The following MGST2 variants were observed in gnomAD, a reference collection of about 807,000 sequenced individuals.
MGST2 encodes glutathione peroxidase MGST2.
MGST2 carries 9 observed loss-of-function variants against 16.6 expected under a neutral mutation model. The ratio of observed to expected loss-of-function variants is 0.54; its 90% CI spans 0.33 to 0.95. The LOEUF (loss-of-function observed/expected upper bound fraction) is 0.95, where lower values mean the gene tolerates loss of function less well. Ranked by LOEUF, MGST2 falls within the 40% of genes least tolerant of loss-of-function variation. MGST2 has a pLI of 0.03. For missense variants in MGST2, 159 were observed against 175.1 expected (o/e 0.91, Z 0.52); for synonymous variants, 79 against 68.0 (o/e 1.16, Z -0.79).
intron 5 of MGST2, chr4:139,718,017 T>C (rs1182746261): frequency 2.0e-5 from 3 of 152,184 alleles, no homozygotes. Context: ...CTTTTTTAGC[T>C]CCTCCACCTC....
chr4:139,719,389 G>T, intron 5 of MGST2: 1 of 1,613,262 alleles, frequency 6.2e-7, no homozygotes, highest in Non-Finnish European at 8.5e-7. Flanking sequence ...CTTTGATGAT[G>T]GAGTCCACAA....
At chr4:139,730,290 TG>T in intron 5 of MGST2, 1 of 824,980 alleles carries the variant, frequency 1.2e-6, no homozygotes, top group Non-Finnish European at 1.9e-6. Context: ...CTTGTGATCC[TG>T]GGAAATGCTA....
intron 1 of MGST2, among the ~76,000 whole-genome samples, chr4:139,671,544 G>T (rs1560734598): frequency 6.6e-6 from 1 of 151,948 alleles, no homozygotes; most frequent in Non-Finnish European, 1.5e-5. Context: ...CAGCTCAACT[G>T]CAGCCTCTGC....
intron 5 of MGST2, among the ~76,000 whole-genome samples, chr4:139,728,792 C>T (rs1728580898): frequency 6.6e-6 from 1 of 152,212 alleles, no homozygotes; most frequent in Non-Finnish European, 1.5e-5. Context: ...TCTTCCCACA[C>T]CCTGTGCTCC....
intron 2 of MGST2, among the ~76,000 whole-genome samples, chr4:139,694,756 C>G (rs1726821185): frequency 6.6e-6 from 1 of 152,172 alleles, no homozygotes; most frequent in African/African-American, 2.4e-5. Flanking sequence ...AATATGCTCA[C>G]TGATTTACTT....
At chr4:139,682,008 T>C (rs1317159518) in intron 2 of MGST2, among the ~76,000 whole-genome samples, 1 of 151,762 alleles carries the variant, frequency 6.6e-6, no homozygotes, top group East Asian at 1.9e-4. Context: ...CTGGGCAACA[T>C]AGCAAGAGCC....
chr4:139,703,867 C>A, intron 4 of MGST2, 149 bp from the exon 5 acceptor site: 1 of 923,960 alleles, frequency 1.1e-6, no homozygotes, highest in Non-Finnish European at 1.7e-6. Flanking sequence ...TAGGCATTCC[C>A]TTTAACTTAT....
chr4:139,680,584 C>T (rs1050289616), intron 2 of MGST2, among the ~76,000 whole-genome samples: 1 of 151,524 alleles, frequency 6.6e-6, no homozygotes, highest in Non-Finnish European at 1.5e-5. Context: ...ATTTGGATTT[C>T]CTGGACCTCC....
chr4:139,669,370 C>T (rs536436554), intron 1 of MGST2, among the ~76,000 whole-genome samples: 53 of 152,304 alleles, frequency 3.5e-4, no homozygotes, highest in African/African-American at 1.2e-3. Context: ...CACCATGTGC[C>T]ATGGTTGAAG....
At chr4:139,722,305 C>T (rs1051144580) in intron 5 of MGST2, among the ~76,000 whole-genome samples, 4 of 152,124 alleles carry the variant, frequency 2.6e-5, no homozygotes, top group African/African-American at 9.7e-5. Context: ...GCAATTGCCA[C>T]ATTCTTTTTC....
chr4:139,703,109 A>G (rs1475559312), intron 3 of MGST2, among the ~76,000 whole-genome samples: 2 of 151,448 alleles, frequency 1.3e-5, no homozygotes, highest in Admixed American at 1.3e-4. Flanking sequence ...TATTTTTAGT[A>G]GAGACGAGGT....
chr4:139,692,623 G>C, intron 2 of MGST2, among the ~76,000 whole-genome samples: 1 of 152,178 alleles, frequency 6.6e-6, no homozygotes, highest in Non-Finnish European at 1.5e-5. Context: ...TTTTTCATGA[G>C]GACGATCCGT....
chr4:139,719,575 G>A (rs1454165169), intron 5 of MGST2: 1 of 1,613,558 alleles, frequency 6.2e-7, no homozygotes, highest in South Asian at 1.1e-5. Context: ...GCATGCCTGG[G>A]ACTCCCTGGC....
intron 5 of MGST2, among the ~76,000 whole-genome samples, chr4:139,710,499 C>G (rs1175790231): frequency 6.6e-6 from 1 of 152,156 alleles, no homozygotes; most frequent in Non-Finnish European, 1.5e-5. Flanking sequence ...CAACACTTCT[C>G]AGAGCTTCAC....
At chr4:139,685,142 A>C (rs2646067) in intron 2 of MGST2, 1 of 152,182 alleles carries the variant, frequency 6.6e-6, no homozygotes, top group African/African-American at 2.4e-5. Context: ...CTGTTCCTCC[A>C]TGTGCTGTCT....
chr4:139,699,096 C>G (rs796888809), intron 3 of MGST2, among the ~76,000 whole-genome samples: 2 of 152,302 alleles, frequency 1.3e-5, no homozygotes, highest in African/African-American at 4.8e-5. Context: ...CTTTTTACTG[C>G]GATACGCAAT....
In MGST2 at chr4:139,704,113, C is replaced by T. The variant is rs772381211; in HGVS notation, c.409C>T (p.Leu137Phe). The T allele has an allele frequency of 1.5e-4, 241 of 1,614,032 alleles. No homozygotes were observed. The Admixed American group carries it at 4.0e-3, about 27-fold the overall frequency. The change falls in exon 5 of 5, where the codon CTC (leucine) becomes TTC (phenylalanine). Residue 137 changes from leucine (L) to phenylalanine (F), a missense_variant. Physicochemically the swap from Leu to Phe is conservative, Grantham distance 22. Coordinates refer to ENST00000265498, the MANE Select transcript of MGST2 (RefSeq NM_002413.5). ...ANSFLDEYLDLNIAKKLRRQF is the reference protein window; with the variant it reads ...ANSFLDEYLDFNIAKKLRRQF ...CAGCTTTCTGGATGAATATCTGGAC[C>T]TCAATATTGCCAAGAAACTGAGGCG...
chr4:139,703,443 A>C lies in MGST2; in HGVS notation c.230-12A>C, dbSNP rs1002871040. Reference sequence around the variant, plus strand: ...TTTGTGCCTTTTCTTTTTTTTTCCCACCCCCCTATAGTTTTTGCTACTTGT... The same window carrying C: ...TTTGTGCCTTTTCTTTTTTTTTCCCCCCCCCCTATAGTTTTTGCTACTTGT... On this transcript the variant is annotated splice_polypyrimidine_tract_variant and intron_variant, in intron 3 of 4. Transcript: ENST00000265498. The C allele has an allele frequency of 6.2e-7, 1 of 1,608,290 alleles. No individual in the cohort carries two copies. Among genetic ancestry groups the C allele is most frequent in the African/African-American group, 1.4e-5 (1 of 73,656 alleles).
intron 5 of MGST2, among the ~76,000 whole-genome samples, chr4:139,736,430 C>A (rs575826352): frequency 5.9e-5 from 9 of 152,306 alleles, no homozygotes; most frequent in African/African-American, 2.2e-4. Context: ...GATGGCTAGA[C>A]AGAGGCGCCT....
Sources: gnomAD v4.1 joint callset for allele counts (sites outside exome capture counted in the v4.1 genomes callset) on GRCh38, gnomAD v4.1.1 for gene constraint, MANE v1.5 for transcripts, NCBI Gene and HGNC (gene_info 2026-07-23, HGNC 2026-07-21) for gene names.